Variants in DPRX observed in about 807,000 individuals in gnomAD.
DPRX encodes divergent-paired related homeobox.
A neutral mutation model predicts 8.4 loss-of-function variants in DPRX; 11 were observed. That is an observed-to-expected ratio of 1.31 (90% CI 0.82 to 2.17). DPRX has a LOEUF of 2.17. Ranked by LOEUF, DPRX falls within the 30% of genes most tolerant of loss-of-function variation. DPRX has a pLI of 0.00. For missense variants in DPRX, 211 were observed against 236.7 expected, an observed-to-expected ratio of 0.89 and a Z score of 0.71; for synonymous variants, 72 against 87.0, an observed-to-expected ratio of 0.83 and a Z score of 0.96.
the DPRX span, among the ~76,000 whole-genome samples, chr19:53,623,310 AAAAT>A: frequency 0.033 from 4,443 of 133,956 alleles, 274 homozygotes; most frequent in African/African-American, 0.11. Context: ...CTGTCTCAAA[AAAAT>A]AAATAAATAA....
At chr19:53,611,956 C>T in the DPRX span, among the ~76,000 whole-genome samples, 159 of 152,022 alleles carry the variant, frequency 1.0e-3, no homozygotes, top group African/African-American at 3.1e-3. Flanking sequence ...TGGTGGTGGG[C>T]GCCTGTAATC....
the DPRX span, among the ~76,000 whole-genome samples, chr19:53,602,680 G>A: frequency 2.2e-4 from 34 of 151,884 alleles, no homozygotes; most frequent in South Asian, 1.5e-3. Flanking sequence ...GATTACAGGC[G>A]TCTGCCACCG....
the DPRX span, among the ~76,000 whole-genome samples, chr19:53,612,706 C>CAAAAAGAA: frequency 6.8e-6 from 1 of 147,784 alleles, no homozygotes; most frequent in African/African-American, 2.5e-5. Context: ...GACTCGGTCT[C>CAAAAAGAA]AAAAAGAAAA....
chr19:53,621,700 G>A, the DPRX span, among the ~76,000 whole-genome samples: 23 of 151,778 alleles, frequency 1.5e-4, no homozygotes, highest in African/African-American at 5.6e-4. Context: ...CAGGAGAATC[G>A]GTTGAACCTG....
the DPRX span, among the ~76,000 whole-genome samples, chr19:53,601,606 T>C: frequency 2.6e-5 from 4 of 151,516 alleles, no homozygotes; most frequent in Non-Finnish European, 5.9e-5. Context: ...CTCAGCCTCC[T>C]GAGTAGCTGG....
chr19:53,623,953 A>AAAAT, the DPRX span, among the ~76,000 whole-genome samples: 2,256 of 127,464 alleles, frequency 0.018, 56 homozygotes, highest in African/African-American at 0.062. Context: ...TCCGTCTCAA[A>AAAAT]AAATAAATAA....
chr19:53,615,009 T>C, the DPRX span, among the ~76,000 whole-genome samples: 1 of 152,010 alleles, frequency 6.6e-6, no homozygotes, highest in Non-Finnish European at 1.5e-5. Context: ...TGTGGTGCTA[T>C]AGTTGTGGGT....
At chr19:53,628,611 CAG>C (rs1568582776), upstream of DPRX, among the ~76,000 whole-genome samples, 1 of 151,416 alleles carries the variant, frequency 6.6e-6, no homozygotes, top group African/African-American at 2.4e-5. Context: ...TTTTTTGAGA[CAG>C]AGTTTCGCTC....
exon 3 of DPRX, chr19:53,636,853 C>T (rs764762144): frequency 5.6e-6 from 9 of 1,614,000 alleles, no homozygotes; most frequent in East Asian, 4.5e-5. Flanking sequence ...TCATTGGCCA[C>T]AGAATAGTCC....
At chr19:53,614,874 C>A in the DPRX span, among the ~76,000 whole-genome samples, 1 of 151,894 alleles carries the variant, frequency 6.6e-6, no homozygotes, top group Non-Finnish European at 1.5e-5. Flanking sequence ...AATCCTAACA[C>A]TTTGGGAGGC....
intron 2 of DPRX, 60 bp from the exon 3 acceptor site, chr19:53,636,536 A>C (rs1334933827): frequency 7.6e-7 from 1 of 1,316,770 alleles, no homozygotes; most frequent in African/African-American, 1.5e-5. Flanking sequence ...AAAATTTTTT[A>C]AAAATAGAAT....
At chr19:53,616,778 C>G in the DPRX span, 5 of 1,540,922 alleles carry the variant, frequency 3.2e-6, no homozygotes, top group Non-Finnish European at 4.4e-6. Flanking sequence ...AAATAGAGGC[C>G]GAGAATGGCC....
At chr19:53,621,503 T>G in the DPRX span, among the ~76,000 whole-genome samples, 1 of 152,080 alleles carries the variant, frequency 6.6e-6, no homozygotes, top group African/African-American at 2.4e-5. Context: ...CTATATAAAA[T>G]TTTCAATACA....
chr19:53,601,463 T>C, the DPRX span: 1 of 404,448 alleles, frequency 2.5e-6, no homozygotes, highest in South Asian at 1.7e-5. Context: ...TCTGTTGCAG[T>C]CGCATATTCA....
the DPRX span, among the ~76,000 whole-genome samples, chr19:53,613,579 C>CA: frequency 6.6e-6 from 1 of 150,868 alleles, no homozygotes; most frequent in East Asian, 2.0e-4. Flanking sequence ...AGGCCAGTCT[C>CA]AAACTCCTGA....
At chr19:53,605,266 A>T in the DPRX span, among the ~76,000 whole-genome samples, 2 of 151,560 alleles carry the variant, frequency 1.3e-5, no homozygotes, top group East Asian at 1.9e-4. Context: ...TTTTTTTTTT[A>T]AACAGGAATC....
the DPRX span, among the ~76,000 whole-genome samples, chr19:53,608,003 T>C: frequency 6.6e-6 from 1 of 150,870 alleles, no homozygotes; most frequent in East Asian, 2.0e-4. Flanking sequence ...TAAAACCCCA[T>C]CTCTATTAAA....
chr19:53,620,074 G>A, the DPRX span, among the ~76,000 whole-genome samples: 22,741 of 151,840 alleles, frequency 0.15, 1,853 homozygotes, highest in South Asian at 0.2. Context: ...GCAGTTCAAA[G>A]CTACTTTCTT....
the DPRX span, among the ~76,000 whole-genome samples, chr19:53,614,467 G>T: frequency 2.0e-5 from 3 of 152,062 alleles, no homozygotes; most frequent in Non-Finnish European, 4.4e-5. Flanking sequence ...CAGAGGCCTA[G>T]GTGGAAGAAT....
Sources: gnomAD v4.1 joint callset for allele counts (sites outside exome capture counted in the v4.1 genomes callset) on GRCh38, gnomAD v4.1.1 for gene constraint, MANE v1.5 for transcripts, NCBI Gene and HGNC (gene_info 2026-07-23, HGNC 2026-07-21) for gene names.